CTNNA2: variants seen among roughly 807,000 people sequenced by gnomAD.
CTNNA2 encodes catenin alpha 2.
A neutral mutation model predicts 101.0 loss-of-function variants in CTNNA2; 42 were observed. The observed-to-expected ratio is 0.42, with a 90% confidence interval of 0.32 to 0.54. The LOEUF (loss-of-function observed/expected upper bound fraction) is 0.54. Among genes scored for constraint, CTNNA2 ranks in the 20% least tolerant of loss-of-function variants. The pLI is 0.14. For missense variants in CTNNA2, 871 were observed against 1,223.1 expected, an observed-to-expected ratio of 0.71 and a Z score of 4.29; for synonymous variants, 450 against 456.4, an observed-to-expected ratio of 0.99 and a Z score of 0.18.
At chr2:79,588,901 G>A (rs1676668481) in intron 1 of CTNNA2, among the ~76,000 whole-genome samples, 1 of 152,108 alleles carries the variant, frequency 6.6e-6, no homozygotes, top group Admixed American at 6.5e-5. Flanking sequence ...TTTAGCCTTT[G>A]GCAATTTGGG....
intron 1 of CTNNA2, among the ~76,000 whole-genome samples, chr2:79,525,119 G>A (rs765897527): frequency 5.3e-5 from 8 of 151,908 alleles, no homozygotes; most frequent in Non-Finnish European, 1.2e-4. Flanking sequence ...TTTTGAAGCT[G>A]TTGTGCTAAT....
intron 4 of CTNNA2, among the ~76,000 whole-genome samples, chr2:79,867,919 C>A (rs1379683225): frequency 6.6e-6 from 1 of 152,172 alleles, no homozygotes; most frequent in African/African-American, 2.4e-5. Flanking sequence ...TTCAAAGATG[C>A]TGTTGATAGC....
At chr2:79,572,032 C>T (rs893984270) in intron 1 of CTNNA2, among the ~76,000 whole-genome samples, 8 of 152,102 alleles carry the variant, frequency 5.3e-5, no homozygotes, top group African/African-American at 1.9e-4. Flanking sequence ...TAATTATGAG[C>T]TGAATTGTGA....
chr2:79,330,954 A>AG (rs539852384), intron 3 of CTNNA2, among the ~76,000 whole-genome samples: 19 of 152,308 alleles, frequency 1.2e-4, no homozygotes, highest in Non-Finnish European at 2.8e-4. Flanking sequence ...ATTCATCTGG[A>AG]GGGGGAATTA....
intron 7 of CTNNA2, among the ~76,000 whole-genome samples, chr2:80,019,134 T>C (rs1694366234): frequency 6.6e-6 from 1 of 152,226 alleles, no homozygotes. Context: ...GTGTAGGTTA[T>C]ATGAAAAGAC....
chr2:79,482,816 G>C (rs112383486), intron 4 of CTNNA2, among the ~76,000 whole-genome samples: 3 of 152,178 alleles, frequency 2.0e-5, no homozygotes, highest in Non-Finnish European at 4.4e-5. Flanking sequence ...TCAGACAAGG[G>C]CAATTTCATC....
At chr2:80,567,362 T>C (rs776773055) in intron 12 of CTNNA2, among the ~76,000 whole-genome samples, 1 of 152,152 alleles carries the variant, frequency 6.6e-6, no homozygotes, top group Non-Finnish European at 1.5e-5. Flanking sequence ...TACTTCTACA[T>C]TGACTGTGAA....
At chr2:80,177,550 C>A (rs181512320) in intron 7 of CTNNA2, among the ~76,000 whole-genome samples, 1 of 152,304 alleles carries the variant, frequency 6.6e-6, no homozygotes, top group East Asian at 1.9e-4. Context: ...ACCTCCATCT[C>A]TGTTACCATG....
intron 18 of CTNNA2, among the ~76,000 whole-genome samples, chr2:80,633,558 G>T (rs3821073): frequency 0.022 from 3,409 of 152,226 alleles, 87 homozygotes; most frequent in South Asian, 0.13. Context: ...GGCATCAATA[G>T]CCAGGAATAA....
At chr2:80,011,731 A>G (rs1337290211) in intron 7 of CTNNA2, among the ~76,000 whole-genome samples, 2 of 152,098 alleles carry the variant, frequency 1.3e-5, no homozygotes, top group African/African-American at 2.4e-5. Flanking sequence ...AGTTGTTAAG[A>G]GTTCTTTCTC....
chr2:80,441,693 T>C (rs1421416765), intron 9 of CTNNA2, among the ~76,000 whole-genome samples: 1 of 152,142 alleles, frequency 6.6e-6, no homozygotes, highest in Non-Finnish European at 1.5e-5. Flanking sequence ...GAAAATATAA[T>C]ATGTTAGGCA....
chr2:79,945,355 T>A (rs988013104), intron 7 of CTNNA2, among the ~76,000 whole-genome samples: 3 of 152,212 alleles, frequency 2.0e-5, no homozygotes, highest in African/African-American at 4.8e-5. Flanking sequence ...TTTGTTTTTT[T>A]AAATTATTTG....
chr2:79,914,508 G>A (rs1179629625), intron 7 of CTNNA2, among the ~76,000 whole-genome samples: 1 of 152,172 alleles, frequency 6.6e-6, no homozygotes, highest in Admixed American at 6.5e-5. Context: ...ATGAGCAGAT[G>A]TGCCTGGTCC....
chr2:79,340,476 C>A (rs774076033), intron 3 of CTNNA2, among the ~76,000 whole-genome samples: 1 of 152,052 alleles, frequency 6.6e-6, no homozygotes, highest in Non-Finnish European at 1.5e-5. Context: ...CTGAACTCTG[C>A]AACAAAATTA....
At chr2:80,558,446 GTGTGTGTGTGTGTATATA>G (rs989809007) in intron 12 of CTNNA2, among the ~76,000 whole-genome samples, 1 of 7,708 alleles carries the variant, frequency 1.3e-4, no homozygotes, top group African/African-American at 1.8e-4. Context: ...TTTTGTTGGT[GTGTGTGTGTGTGTATATA>G]TGTGTGTGTG....
At chr2:80,380,266 G>C (rs773287305) in intron 7 of CTNNA2, among the ~76,000 whole-genome samples, 4 of 152,032 alleles carry the variant, frequency 2.6e-5, no homozygotes, top group Non-Finnish European at 5.9e-5. Flanking sequence ...TCGATCTCCT[G>C]ACTTTGTGAT....
In CTNNA2 at chr2:79,449,281, C is replaced by T. The variant is rs141963486; in HGVS notation, c.-134-55773C>T. ...GGAAGTGATAAGAAATTGAAATGTA[C>T]ATAATTCTTTAGAGTGGAAAAGAGA... On this transcript the variant is annotated intron_variant, in intron 4 of 21. Coordinates refer to the CTNNA2 transcript ENST00000466387. Among the ~76,000 whole-genome samples, 1,171 of 151,990 alleles carry T rather than the reference C, an allele frequency of 7.7e-3. 2 individuals are homozygous for T. Among genetic ancestry groups the T allele is most frequent in the Middle Eastern group, 0.014 (4 of 294 alleles).
chr2:80,524,365 T>G (rs1483727226), intron 9 of CTNNA2, among the ~76,000 whole-genome samples: 1 of 152,220 alleles, frequency 6.6e-6, no homozygotes, highest in Non-Finnish European at 1.5e-5. Flanking sequence ...CAGAAGAATC[T>G]GACTCCGCCT....
At chr2:80,085,395 A>G (rs1267921372) in intron 7 of CTNNA2, among the ~76,000 whole-genome samples, 4 of 152,108 alleles carry the variant, frequency 2.6e-5, no homozygotes, top group Non-Finnish European at 5.9e-5. Context: ...CGAAGTTAAA[A>G]GGGCACAAGG....
Sources: gnomAD v4.1 joint callset for allele counts (sites outside exome capture counted in the v4.1 genomes callset) on GRCh38, gnomAD v4.1.1 for gene constraint, MANE v1.5 for transcripts, NCBI Gene and HGNC (gene_info 2026-07-23, HGNC 2026-07-21) for gene names.